Variants in BLVRA observed in about 807,000 individuals in gnomAD.
BLVRA encodes the protein BVR A.
BLVRA carries 22 observed loss-of-function variants against 32.8 expected under a neutral mutation model. That is an observed-to-expected ratio of 0.67 (90% CI 0.48 to 0.96). The LOEUF is 0.96. Among genes scored for constraint, BLVRA ranks in the 40% least tolerant of loss-of-function variants. The pLI is 0.00. For synonymous variants in BLVRA, 119 were observed against 141.3 expected (o/e 0.84, Z 1.12); for missense variants, 323 against 358.1 (o/e 0.90, Z 0.79).
intron 7 of BLVRA, 74 bp downstream of exon 7, chr7:43,803,921 G>A (rs1204209704): frequency 1.9e-6 from 3 of 1,569,572 alleles, no homozygotes; most frequent in Non-Finnish European, 1.7e-6. Flanking sequence ...GATCCAAAGG[G>A]AGCCCCGAGG....
chr7:43,782,823 T>G (rs1297290578), intron 2 of BLVRA, among the ~76,000 whole-genome samples: 4 of 152,172 alleles, frequency 2.6e-5, no homozygotes, highest in Non-Finnish European at 5.9e-5. Context: ...TAAGGGTCAC[T>G]CATGTCTGAA....
At chr7:43,802,773 T>C (rs1290062648) in intron 6 of BLVRA, among the ~76,000 whole-genome samples, 1 of 152,076 alleles carries the variant, frequency 6.6e-6, no homozygotes, top group Non-Finnish European at 1.5e-5. Flanking sequence ...AGTGCTGGTA[T>C]TATAGGCATG....
At chr7:43,805,341 G>C (rs2095803023) in intron 7 of BLVRA, among the ~76,000 whole-genome samples, 1 of 151,456 alleles carries the variant, frequency 6.6e-6, no homozygotes, top group Admixed American at 6.6e-5. Flanking sequence ...GGAGTGCGGT[G>C]GTGTGATCTC....
chr7:43,790,207 C>T (rs73101420), intron 3 of BLVRA, among the ~76,000 whole-genome samples: 22,277 of 151,938 alleles, frequency 0.15, 2,208 homozygotes, highest in Non-Finnish European at 0.22. Flanking sequence ...CTGCCCCAGC[C>T]GCTGCACTGG....
rs2132579689 is a variant in BLVRA at position 43,791,265 on chromosome 7, A to G, written c.151A>G (p.Ile51Val). 3 of 1,614,190 alleles carry G rather than the reference A, an allele frequency of 1.9e-6. No individual in the cohort carries two copies. The highest frequency in any genetic ancestry group is 4.5e-5 in the East Asian group (2 of 44,872). The change falls in exon 4 of 8, where the codon ATT becomes GTT. Residue 51 changes from isoleucine (I) to valine (V), a missense_variant. By Grantham distance (29) the Ile-to-Val change is conservative. Transcript: ENST00000265523. ...CTGAAATAGAAGGGAGCTCGGGAGC[A>G]TTGATGGAGTCCAGCAGATTTCTTT... ...GFVSRRELGS[I>V]DGVQQISLED...
chr7:43,802,172 A>G (rs1427592896), intron 6 of BLVRA, among the ~76,000 whole-genome samples: 1 of 152,112 alleles, frequency 6.6e-6, no homozygotes, highest in East Asian at 1.9e-4. Flanking sequence ...AAAGAACTAG[A>G]GCAGACAGTA....
rs1016100748 is a variant in BLVRA at position 43,801,972 on chromosome 7, T to TA, written c.460+1412dup. 4.4e-3 allele frequency among the ~76,000 whole-genome samples: 633 copies of TA among 144,874 alleles called. 3 individuals are homozygous for TA. The highest frequency in any genetic ancestry group is 0.02 in the South Asian group (93 of 4,582). On this transcript the variant is annotated intron_variant, in intron 6 of 7. Coordinates refer to ENST00000265523, the MANE Select transcript of BLVRA (RefSeq NM_000712.4). ...CAACATGGTGAAACACCGTCTCTAC[T>TA]AAAAAAAAAAAATACAAAAATTAGT...
chr7:43,800,571 A>T lies in BLVRA; in HGVS notation c.459A>T (p.Thr153=). ...TGCTGAAAGGGTCGCTCCTCTTCAC[A>T]GGTCAGTGCTACGTGGGATCACAGG... The part of the protein sequence containing the change: ...KDLLKGSLLF[T]AGPLEEERFG... Residue 153 remains threonine, a splice_region_variant and synonymous_variant, in exon 6 of 8, where the codon ACA becomes ACT. Coordinates refer to ENST00000265523, the MANE Select transcript of BLVRA (RefSeq NM_000712.4). The T allele has an allele frequency of 6.2e-7, 1 of 1,613,526 alleles. No individual in the cohort carries two copies. Among genetic ancestry groups the T allele is most frequent in the Non-Finnish European group, 8.5e-7 (1 of 1,179,510 alleles).
chr7:43,776,817 TG>T (rs1179765908), intron 2 of BLVRA, among the ~76,000 whole-genome samples: 1 of 152,216 alleles, frequency 6.6e-6, no homozygotes, highest in Non-Finnish European at 1.5e-5. Flanking sequence ...TTTATGAATC[TG>T]GGTGCTCCTG....
At chr7:43,783,865 G>C (rs1186441619) in intron 2 of BLVRA, among the ~76,000 whole-genome samples, 1 of 152,056 alleles carries the variant, frequency 6.6e-6, no homozygotes, top group African/African-American at 2.4e-5. Context: ...CAACTGCCTG[G>C]ACTCTCCTTC....
chr7:43,800,635 G>A, intron 6 of BLVRA, 63 bp downstream of exon 6: 2 of 1,430,780 alleles, frequency 1.4e-6, no homozygotes, highest in South Asian at 1.2e-5. Flanking sequence ...ATTCTTTCCT[G>A]GCTCTCTGGG....
chr7:43,758,359 C>G (rs1394683915), upstream of BLVRA, among the ~76,000 whole-genome samples: 2 of 151,820 alleles, frequency 1.3e-5, no homozygotes, highest in Non-Finnish European at 2.9e-5. Context: ...CCAGGCACAC[C>G]GTGAGGGGGC....
intron 2 of BLVRA, among the ~76,000 whole-genome samples, chr7:43,772,086 A>G (rs2095755280): frequency 6.6e-6 from 1 of 152,230 alleles, no homozygotes; most frequent in African/African-American, 2.4e-5. Flanking sequence ...GAACACCAGA[A>G]AGCCTGACTT....
intron 1 of BLVRA, 87 bp from the exon 2 acceptor site, chr7:43,771,051 G>C: frequency 4.5e-6 from 5 of 1,117,868 alleles, no homozygotes. Context: ...GAAGCAGTGG[G>C]GGAGCATGGG....
intron 1 of BLVRA, among the ~76,000 whole-genome samples, chr7:43,760,902 G>A (rs1192864492): frequency 6.6e-6 from 1 of 151,854 alleles, no homozygotes; most frequent in African/African-American, 2.4e-5. Context: ...CTAAGTAGCT[G>A]GGATTACAGG....
Position 43,807,326 on chromosome 7 carries a change from T to A in BLVRA, c.*91T>A. 1 of 1,564,480 alleles carries A rather than the reference T, an allele frequency of 6.4e-7. No homozygotes were observed. The highest frequency in any genetic ancestry group is 1.1e-5 in the South Asian group (1 of 89,542). ...TTATCTCTATTCTTAAAATTAAACA[T>A]GTTGGGGAAACAAGAATCTTATTGT... On this transcript the variant is annotated 3_prime_UTR_variant, in exon 8 of 8. Transcript: ENST00000265523.
rs1305110894 is a variant in BLVRA at position 43,803,789 on chromosome 7, G to A, written c.574G>A (p.Glu192Lys). Residue 192 changes from glutamate to lysine, a missense_variant, in exon 7 of 8, where the codon GAG (glutamate) becomes AAG (lysine). Coordinates refer to ENST00000265523, the MANE Select transcript of BLVRA (RefSeq NM_000712.4). The part of the protein sequence containing the change: ...ELSLVSATLE[E>K]RKEDQYMKMT... ...TTCTCTTGTGTCTGCCACTTTGGAA[G>A]AGCGAAAGGAAGATCAGTATATGAA... 6 of 1,614,058 alleles carry A rather than the reference G, an allele frequency of 3.7e-6. No homozygotes were observed. Among genetic ancestry groups the A allele is most frequent in the African/African-American group, 2.7e-5 (2 of 74,940 alleles).
At chr7:43,765,828 A>AAAAG (rs2095747211) in intron 1 of BLVRA, among the ~76,000 whole-genome samples, 1 of 152,238 alleles carries the variant, frequency 6.6e-6, no homozygotes, top group Non-Finnish European at 1.5e-5. Context: ...AAAAAAGAAT[A>AAAAG]ACTGTATTCA....
chr7:43,798,231 A>C, intron 5 of BLVRA, among the ~76,000 whole-genome samples: 1 of 145,208 alleles, frequency 6.9e-6, no homozygotes, highest in Non-Finnish European at 1.5e-5. Context: ...AAAAAAGGAA[A>C]CGATGCTGTT....
Sources: allele counts gnomAD v4.1 joint callset (sites outside exome capture counted in the v4.1 genomes callset), GRCh38; gene constraint gnomAD v4.1.1; transcripts MANE v1.5; gene names NCBI Gene and HGNC (gene_info 2026-07-23, HGNC 2026-07-21).